Variants in LRIG1 observed in about 807,000 individuals in gnomAD.
The protein encoded by LRIG1 is leucine-rich repeats and immunoglobulin-like domains protein 1.
LRIG1 carries 48 observed loss-of-function variants against 99.2 expected under a neutral mutation model. The ratio of observed to expected loss-of-function variants is 0.48; its 90% CI spans 0.38 to 0.62. The LOEUF (loss-of-function observed/expected upper bound fraction) is 0.62, where lower values mean the gene tolerates loss of function less well. LRIG1 is among the 20% of genes least tolerant of loss of function. The pLI is 0.00. For missense variants in LRIG1, 1,646 were observed against 1,434.4 expected (o/e 1.15, Z -2.38); for synonymous variants, 772 against 596.1 (o/e 1.29, Z -4.30).
intron 3 of LRIG1, among the ~76,000 whole-genome samples, chr3:66,443,794 C>T (rs1275931870): frequency 3.3e-5 from 5 of 152,232 alleles, no homozygotes; most frequent in Admixed American, 1.3e-4. Context: ...TGCAGAGGAA[C>T]CCACGGTCTC....
In LRIG1 at chr3:66,383,957, C is replaced by T. The variant is rs920561654; in HGVS notation, c.2071+34G>A. 6 of 1,599,844 alleles carry T rather than the reference C, an allele frequency of 3.8e-6. No homozygotes were observed. In the African/African-American group the frequency reaches 5.4e-5, roughly 14 times the overall value. On this transcript the variant is annotated intron_variant, in intron 14 of 18. Coordinates refer to ENST00000273261, the MANE Select transcript of LRIG1 (RefSeq NM_015541.3). ...AGTCTCTCTCTCTCGCTCACACACACACACACACACACACAGTAGAGCAAT... is the reference window on the plus strand; with the variant it reads ...AGTCTCTCTCTCTCGCTCACACACATACACACACACACACAGTAGAGCAAT...
intron 1 of LRIG1, among the ~76,000 whole-genome samples, chr3:66,492,005 C>T (rs1701112235): frequency 6.6e-6 from 1 of 152,164 alleles, no homozygotes; most frequent in African/African-American, 2.4e-5. Context: ...TATTTCAGAT[C>T]ATCTCTCAAG....
intron 1 of LRIG1, among the ~76,000 whole-genome samples, chr3:66,469,397 A>AGGAG (rs778936104): frequency 2.0e-5 from 3 of 152,206 alleles, no homozygotes; most frequent in Non-Finnish European, 4.4e-5. Flanking sequence ...GACTCAAAAT[A>AGGAG]GGAGATACTA....
At chr3:66,492,024 G>A (rs1266212358) in intron 1 of LRIG1, among the ~76,000 whole-genome samples, 1 of 152,188 alleles carries the variant, frequency 6.6e-6, no homozygotes, top group Non-Finnish European at 1.5e-5. Context: ...AGAAAAAGAA[G>A]CTGTACCTGC....
At position 66,383,392 on chromosome 3, in the gene LRIG1, G is replaced by A. The variant is rs764522085; in HGVS notation, c.2081C>T (p.Ser694Phe). The change falls in exon 15 of 19, where the codon TCC becomes TTC. Residue 694 changes from serine to phenylalanine, a missense_variant. Ser to Phe is a radical substitution (Grantham distance 155). Transcript: ENST00000273261. ...ACGGTCTTCCAAGGGGACCACCAAGGATGGGGTCTCTACAAGAGAGCAACA... is the reference window on the plus strand; with the variant it reads ...ACGGTCTTCCAAGGGGACCACCAAGAATGGGGTCTCTACAAGAGAGCAACA... ...NATLTVLETP[S>F]LVVPLEDRVV... is the part of the protein sequence containing the mutation. The A allele has an allele frequency of 1.3e-6, 2 of 1,557,732 alleles. No individual in the cohort carries two copies. The highest frequency in any genetic ancestry group is 1.7e-6 in the Non-Finnish European group (2 of 1,146,716).
intron 3 of LRIG1, among the ~76,000 whole-genome samples, chr3:66,432,499 G>C (rs933919380): frequency 6.6e-6 from 1 of 152,174 alleles, no homozygotes; most frequent in East Asian, 1.9e-4. Context: ...CAGTAGCTAG[G>C]CGCTGGCTTC....
At chr3:66,422,281 T>A (rs1486247894) in intron 3 of LRIG1, among the ~76,000 whole-genome samples, 1 of 152,246 alleles carries the variant, frequency 6.6e-6, no homozygotes, top group Non-Finnish European at 1.5e-5. Context: ...TCTTTTCTAT[T>A]GCATTGTCAG....
chr3:66,470,586 G>C (rs1159860160), intron 1 of LRIG1, among the ~76,000 whole-genome samples: 2 of 152,184 alleles, frequency 1.3e-5, no homozygotes, highest in Admixed American at 6.5e-5. Context: ...CCACCAGGCG[G>C]TTAAGTCAAG....
At chr3:66,398,449 T>C (rs1325785471) in intron 10 of LRIG1, among the ~76,000 whole-genome samples, 1 of 152,128 alleles carries the variant, frequency 6.6e-6, no homozygotes, top group East Asian at 1.9e-4. Context: ...CAAACTTGAT[T>C]CAAAGAGGAA....
intron 6 of LRIG1, among the ~76,000 whole-genome samples, chr3:66,412,026 A>G (rs1702483794): frequency 6.6e-6 from 1 of 152,234 alleles, no homozygotes; most frequent in Non-Finnish European, 1.5e-5. Context: ...ACTTTTGATT[A>G]AAAATAAATA....
intron 3 of LRIG1, among the ~76,000 whole-genome samples, chr3:66,427,539 C>T (rs2106731934): frequency 6.6e-6 from 1 of 152,328 alleles, no homozygotes; most frequent in African/African-American, 2.4e-5. Context: ...GTGACTCTGG[C>T]CTGTAATCCC....
At chr3:66,482,195 GA>G (rs1260449477) in intron 1 of LRIG1, among the ~76,000 whole-genome samples, 1 of 152,226 alleles carries the variant, frequency 6.6e-6, no homozygotes, top group Non-Finnish European at 1.5e-5. Context: ...ATCTGTTTAA[GA>G]AGAACCCAAA....
At chr3:66,445,214 G>T (rs1404897563) in intron 3 of LRIG1, among the ~76,000 whole-genome samples, 1 of 151,614 alleles carries the variant, frequency 6.6e-6, no homozygotes, top group Admixed American at 6.6e-5. Context: ...AATGCCTGTA[G>T]CCCAGGTAAG....
Position 66,386,653 on chromosome 3 carries a change from C to T in LRIG1, c.1469-352G>A, listed in dbSNP as rs1701390629. ...AGTCAGGCACCACTGGTCATGACTGCAGAGATCTTACCCACAAACCTTACT... is the reference window on the plus strand; with the variant it reads ...AGTCAGGCACCACTGGTCATGACTGTAGAGATCTTACCCACAAACCTTACT... On this transcript the variant is annotated intron_variant, in intron 12 of 18. Transcript: ENST00000273261. 1.8e-5 allele frequency: 4 copies of T among 220,030 alleles called. No homozygotes were observed. In the East Asian group the frequency reaches 4.2e-4, roughly 23 times the overall value. 13.6% of individuals were successfully genotyped at this position (220,030 alleles called of 1,614,324 possible).
intron 11 of LRIG1, among the ~76,000 whole-genome samples, chr3:66,396,601 G>C (rs1292257649): frequency 6.6e-6 from 1 of 152,216 alleles, no homozygotes; most frequent in East Asian, 1.9e-4. Flanking sequence ...AGGAGACCGA[G>C]GCTGAGCCTC....
intron 4 of LRIG1, among the ~76,000 whole-genome samples, chr3:66,416,469 G>C (rs1486488992): frequency 6.6e-6 from 1 of 152,116 alleles, no homozygotes; most frequent in Non-Finnish European, 1.5e-5. Flanking sequence ...TTTAGCCTGG[G>C]GTTGCAGTTT....
intron 8 of LRIG1, 82 bp downstream of exon 8, chr3:66,407,266 G>T (rs1702301841): frequency 6.8e-7 from 1 of 1,468,860 alleles, no homozygotes; most frequent in East Asian, 2.3e-5. Flanking sequence ...AACGCAAATG[G>T]AGTTCAACAA....
At chr3:66,434,207 A>G (rs954481884) in intron 3 of LRIG1, among the ~76,000 whole-genome samples, 10 of 152,260 alleles carry the variant, frequency 6.6e-5, no homozygotes, top group African/African-American at 2.4e-4. Context: ...ACTGGTATCC[A>G]GAATATATAT....
chr3:66,416,075 G>A lies in LRIG1; in HGVS notation c.504-1012C>T, dbSNP rs148976317. Among the ~76,000 whole-genome samples the A allele has an allele frequency of 2.8e-3, 428 of 152,308 alleles. 1 individual carries two copies. Among genetic ancestry groups the A allele is most frequent in the Non-Finnish European group, 4.9e-3 (331 of 68,032 alleles). ...ATTAAAGAACAGCCTGTGTGATGAA[G>A]ATATATCACCCAATAGCTGCCAAAA... On this transcript the variant is annotated intron_variant, in intron 4 of 18. Coordinates refer to ENST00000273261, the MANE Select transcript of LRIG1 (RefSeq NM_015541.3).
Sources: allele counts gnomAD v4.1 joint callset (sites outside exome capture counted in the v4.1 genomes callset), GRCh38; gene constraint gnomAD v4.1.1; transcripts MANE v1.5; gene names NCBI Gene and HGNC (gene_info 2026-07-23, HGNC 2026-07-21).